KHDRBS3: variants seen among roughly 807,000 people sequenced by gnomAD.
The protein encoded by KHDRBS3 is KH RNA binding domain containing, signal transduction associated 3.
In KHDRBS3, 23 loss-of-function variants were observed where a neutral mutation model predicts 45.6. The ratio of observed to expected loss-of-function variants is 0.50; its 90% CI spans 0.36 to 0.72. KHDRBS3 has a LOEUF of 0.72. Among genes scored for constraint, KHDRBS3 ranks in the 30% least tolerant of loss-of-function variants. KHDRBS3 has a pLI of 0.00. For synonymous variants in KHDRBS3, 162 were observed against 156.5 expected (o/e 1.04, Z -0.26); for missense variants, 352 against 424.8 (o/e 0.83, Z 1.51).
chr8:135,556,343 T>A (rs1349798851), intron 4 of KHDRBS3, among the ~76,000 whole-genome samples: 10 of 152,222 alleles, frequency 6.6e-5, no homozygotes, highest in Admixed American at 5.2e-4. Context: ...TAATTTAAAC[T>A]CCCACCAACA....
At chr8:135,537,795 TTATTAATGAATATTAA>T (rs1190899323) in intron 2 of KHDRBS3, among the ~76,000 whole-genome samples, 3 of 152,040 alleles carry the variant, frequency 2.0e-5, no homozygotes, top group Non-Finnish European at 4.4e-5. Context: ...ACAAATAAAA[TTATTAATGAATATTAA>T]TATTAATGAA....
At chr8:135,494,339 C>T (rs1260926937) in intron 1 of KHDRBS3, among the ~76,000 whole-genome samples, 14 of 125,362 alleles carry the variant, frequency 1.1e-4, no homozygotes, top group African/African-American at 3.8e-4. Context: ...AGTGCAGTGG[C>T]GTGATCTCGG....
rs1469255182 is a variant in KHDRBS3, at chr8:135,626,026, CG to C, written c.890+18991del. On this transcript the variant is annotated intron_variant, in intron 7 of 8. Transcript: ENST00000355849. Reference sequence around the variant, plus strand: ...CGTGTCCACTGCCCGCACCCAGCTCCGGTTCCAGTTCCTTACTTTTTAGGCA... The same window carrying C: ...CGTGTCCACTGCCCGCACCCAGCTCCGTTCCAGTTCCTTACTTTTTAGGCA... 10 of 627,052 alleles carry C rather than the reference CG, an allele frequency of 1.6e-5. No individual in the cohort carries two copies. In the Admixed American group the frequency reaches 2.3e-4, roughly 15 times the overall value. The allele number at this position is 627,052 out of a possible 1,614,324, so 38.8% of individuals were successfully genotyped here.
Position 135,493,318 on chromosome 8 carries a change from A to G in KHDRBS3, c.89-27919A>G, listed in dbSNP as rs116145623. Among the ~76,000 whole-genome samples, 1,518 of 152,124 alleles carry G rather than the reference A, an allele frequency of 1.0e-2. 20 individuals carry two copies. The highest frequency in any genetic ancestry group is 0.032 in the African/African-American group (1,341 of 41,522). ...TCTTTCTTCTCTTATCATACTGGCTAGGACCCCACTACAGTGTAGCATAGA... is the reference window on the plus strand; with the variant it reads ...TCTTTCTTCTCTTATCATACTGGCTGGGACCCCACTACAGTGTAGCATAGA... On this transcript the variant is annotated intron_variant, in intron 1 of 8. Transcript: ENST00000355849.
At chr8:135,572,980 A>G (rs1827776785) in intron 5 of KHDRBS3, among the ~76,000 whole-genome samples, 2 of 152,344 alleles carry the variant, frequency 1.3e-5, no homozygotes, top group Admixed American at 6.5e-5. Flanking sequence ...TGTATTAGGA[A>G]TGTTATAGGA....
intron 5 of KHDRBS3, among the ~76,000 whole-genome samples, chr8:135,564,407 C>G (rs1827304054): frequency 6.6e-6 from 1 of 152,094 alleles, no homozygotes; most frequent in Non-Finnish European, 1.5e-5. Flanking sequence ...TATGATACAT[C>G]TTATAAAATA....
intron 1 of KHDRBS3, among the ~76,000 whole-genome samples, chr8:135,494,273 A>ATTTTTTTTTTTTTTTTT (rs386414089): frequency 1.3e-5 from 1 of 78,624 alleles, no homozygotes; most frequent in African/African-American, 5.7e-5. Flanking sequence ...TGTTTCTCTT[A>ATTTTTTTTTTTTTTTTT]TTTTTTTTTT....
At chr8:135,515,886 T>G (rs1390128862) in intron 1 of KHDRBS3, among the ~76,000 whole-genome samples, 1 of 152,220 alleles carries the variant, frequency 6.6e-6, no homozygotes, top group Non-Finnish European at 1.5e-5. Context: ...CCATGCCAAA[T>G]AGATAACTAG....
intron 4 of KHDRBS3, among the ~76,000 whole-genome samples, chr8:135,655,622 A>C (rs1312075624): frequency 6.6e-6 from 1 of 152,170 alleles, no homozygotes; most frequent in Admixed American, 6.5e-5. Flanking sequence ...TGTTTTGAGC[A>C]CACTTTGTGG....
intron 7 of KHDRBS3, among the ~76,000 whole-genome samples, chr8:135,639,163 C>T (rs1830950887): frequency 1.3e-5 from 2 of 152,010 alleles, no homozygotes; most frequent in Admixed American, 1.3e-4. Flanking sequence ...CAGTGGTTGC[C>T]TTGATAAGGG....
intron 1 of KHDRBS3, among the ~76,000 whole-genome samples, chr8:135,493,747 C>T (rs1823274526): frequency 6.6e-6 from 1 of 152,016 alleles, no homozygotes; most frequent in Non-Finnish European, 1.5e-5. Context: ...ATGTAGTTTT[C>T]TTTTTCTTGT....
intron 7 of KHDRBS3, among the ~76,000 whole-genome samples, chr8:135,620,825 G>A (rs1031551345): frequency 6.6e-6 from 1 of 152,052 alleles, no homozygotes; most frequent in Admixed American, 6.6e-5. Flanking sequence ...GCAATGCTCT[G>A]TGCTTGCTCT....
At chr8:135,619,411 T>C (rs1463060423) in intron 7 of KHDRBS3, among the ~76,000 whole-genome samples, 2 of 143,156 alleles carry the variant, frequency 1.4e-5, no homozygotes, top group Non-Finnish European at 3.2e-5. Context: ...ACATCTTACA[T>C]AGAGGAAAAA....
chr8:135,536,067 A>C (rs997696831), intron 2 of KHDRBS3, among the ~76,000 whole-genome samples: 2 of 151,968 alleles, frequency 1.3e-5, no homozygotes, highest in African/African-American at 4.8e-5. Context: ...AGAAGGTTTC[A>C]ACTTTTCTAA....
intron 7 of KHDRBS3, among the ~76,000 whole-genome samples, chr8:135,619,561 CAAT>C (rs1830054870): frequency 6.6e-6 from 1 of 152,120 alleles, no homozygotes; most frequent in Non-Finnish European, 1.5e-5. Flanking sequence ...ATGGGGATGA[CAAT>C]AATAGTACTG....
chr8:135,617,764 CTATTA>C (rs1829980283), intron 7 of KHDRBS3, among the ~76,000 whole-genome samples: 1 of 152,148 alleles, frequency 6.6e-6, no homozygotes, highest in African/African-American at 2.4e-5. Context: ...TATCCAGAAA[CTATTA>C]TAGTCTTTTC....
chr8:135,479,589 A>G (rs577263913), intron 1 of KHDRBS3, among the ~76,000 whole-genome samples: 11 of 152,262 alleles, frequency 7.2e-5, no homozygotes, highest in Admixed American at 4.6e-4. Flanking sequence ...CATGAATGGC[A>G]CCTTCTATGT....
intron 7 of KHDRBS3, among the ~76,000 whole-genome samples, chr8:135,608,952 T>TC (rs1829588838): frequency 6.6e-6 from 1 of 152,282 alleles, no homozygotes; most frequent in South Asian, 2.1e-4. Flanking sequence ...CCCATACAGG[T>TC]CACTTACCAT....
chr8:135,481,239 TA>T (rs1453562370), intron 1 of KHDRBS3, among the ~76,000 whole-genome samples: 2,033 of 130,870 alleles, frequency 0.016, 135 homozygotes, highest in African/African-American at 0.069. Context: ...TATATATATA[TA>T]TATATATATA....
Sources: allele counts gnomAD v4.1 joint callset (sites outside exome capture counted in the v4.1 genomes callset), GRCh38; gene constraint gnomAD v4.1.1; transcripts MANE v1.5; gene names NCBI Gene and HGNC (gene_info 2026-07-23, HGNC 2026-07-21).